Variants in SPECC1L observed in about 807,000 individuals in gnomAD.
SPECC1L encodes the protein cytospin-A.
Under a neutral mutation model 116.8 loss-of-function variants are expected in SPECC1L, and 40 were observed. That is an observed-to-expected ratio of 0.34 (90% CI 0.27 to 0.45). SPECC1L has a LOEUF of 0.45. Among genes scored for constraint, SPECC1L ranks in the 20% least tolerant of loss-of-function variants. The pLI, the probability that SPECC1L is intolerant of heterozygous loss-of-function variation, is 1.00. For synonymous variants in SPECC1L, 504 were observed against 500.6 expected (o/e 1.01, Z -0.09); for missense variants, 1,110 against 1,373.6 (o/e 0.81, Z 3.03).
chr22:24,411,719 G>A lies in SPECC1L; in HGVS notation c.3204+15G>A. 1.2e-6 allele frequency: 2 copies of A among 1,600,170 alleles called. No homozygotes were observed. The highest frequency in any genetic ancestry group is 1.7e-6 in the Non-Finnish European group (2 of 1,169,006). ...GCCAGGATAAGGTAGGCCATGGAGG[G>A]CCAGCTCCTGGCACCCACCTCACAG... On this transcript the variant is annotated intron_variant, in intron 15 of 16. Coordinates refer to ENST00000314328, the MANE Select transcript of SPECC1L (RefSeq NM_015330.6).
At chr22:24,408,826 C>T (rs2042640520) in intron 14 of SPECC1L, among the ~76,000 whole-genome samples, 1 of 152,256 alleles carries the variant, frequency 6.6e-6, no homozygotes, top group African/African-American at 2.4e-5. Flanking sequence ...CCAGACAATA[C>T]ATTCTGATGA....
At chr22:24,318,558 G>A (rs1157115014) in intron 4 of SPECC1L, among the ~76,000 whole-genome samples, 1 of 152,046 alleles carries the variant, frequency 6.6e-6, no homozygotes, top group African/African-American at 2.4e-5. Flanking sequence ...TTTTTTATAA[G>A]GATTTTTGAT....
At chr22:24,363,425 A>C in intron 12 of SPECC1L, 81 bp downstream of exon 12, 4 of 1,227,946 alleles carry the variant, frequency 3.3e-6, no homozygotes, top group Non-Finnish European at 4.8e-6. Context: ...GGCTGATCTC[A>C]AACTCCTGGC....
In SPECC1L at chr22:24,292,073, G is replaced by A. The variant is rs1318278285; in HGVS notation, c.-37-10122G>A. 3.9e-5 allele frequency among the ~76,000 whole-genome samples: 6 copies of A among 152,296 alleles called. 1 individual carries two copies. In the East Asian group the frequency reaches 5.8e-4, roughly 15 times the overall value. On this transcript the variant is annotated intron_variant, in intron 2 of 16. Transcript: ENST00000314328. Reference sequence around the variant, plus strand: ...GTAACTACAGAATGGAGAGATTGGGGACTGTCCCTGTAGTTGCCAAGAGGG... The same window carrying A: ...GTAACTACAGAATGGAGAGATTGGGAACTGTCCCTGTAGTTGCCAAGAGGG...
chr22:24,396,986 T>C (rs1036365499), intron 14 of SPECC1L, among the ~76,000 whole-genome samples: 2 of 152,220 alleles, frequency 1.3e-5, no homozygotes, highest in African/African-American at 2.4e-5. Context: ...GGTCCTGTCG[T>C]CACTTTCTTC....
rs759458885 is a variant in SPECC1L at position 24,302,045 on chromosome 22, CA to C, written c.-37-135del. ...TGGGTGACAGAGCGAGACTCCGTCT[CA>C]AAAAAAAAAAAAAATTTTTTTTCAA... On this transcript the variant is annotated intron_variant, in intron 2 of 16. Transcript: ENST00000314328. 0.12 allele frequency: 47,405 copies of C among 411,172 alleles called. 174 individuals carry two copies. Among genetic ancestry groups the C allele is most frequent in the South Asian group, 0.14 (4,726 of 32,602 alleles). 25.5% of individuals were successfully genotyped at this position (411,172 alleles called of 1,614,324 possible).
At chr22:24,367,935 C>T (rs568805646) in intron 13 of SPECC1L, among the ~76,000 whole-genome samples, 3 of 152,260 alleles carry the variant, frequency 2.0e-5, no homozygotes, top group South Asian at 2.1e-4. Flanking sequence ...GTCAAGCTGC[C>T]GGTTACATTA....
intron 14 of SPECC1L, among the ~76,000 whole-genome samples, chr22:24,400,132 C>T (rs566950422): frequency 3.4e-4 from 52 of 152,284 alleles, no homozygotes; most frequent in Non-Finnish European, 6.6e-4. Context: ...ACATACAATT[C>T]GGTAGCATTA....
rs202182198 is a variant in SPECC1L at position 24,321,758 on chromosome 22, C to T, written c.778C>T (p.Leu260=). ...NTAIREELNQ[L]KNENRMLKDR... is the part of the protein sequence containing the mutation. ...TGCCATCCGTGAAGAACTCAACCAG[C>T]TGAAAAATGAAAACAGAATGTTAAA... The change falls in exon 5 of 17, where the codon CTG becomes TTG. Residue 260 remains leucine (L), a synonymous_variant. Coordinates refer to ENST00000314328, the MANE Select transcript of SPECC1L (RefSeq NM_015330.6). 1.2e-6 allele frequency: 2 copies of T among 1,614,212 alleles called. No individual in the cohort carries two copies. Among genetic ancestry groups the T allele is most frequent in the Non-Finnish European group, 1.7e-6 (2 of 1,180,044 alleles).
chr22:24,322,060 T>A lies in SPECC1L; in HGVS notation c.1080T>A (p.Asp360Glu), dbSNP rs1157939120. Residue 360 changes from aspartate to glutamate, a missense_variant, in exon 5 of 17, where the codon GAT becomes GAA. Asp to Glu is a conservative substitution (Grantham distance 45). Around this residue, in one of 4 missense-constraint regions of SPECC1L, gnomAD observed 437 missense variants for 482.6 expected, o/e 0.91. Transcript: ENST00000314328. ...TCTACCAGCCCCTCACATCGAGCGA[T>A]GATGCGCTGGATGCACCATCCTCCT... ...SEVYQPLTSSDDALDAPSSSE... is the reference protein window; with the variant it reads ...SEVYQPLTSSEDALDAPSSSE... 1.9e-6 allele frequency: 3 copies of A among 1,614,034 alleles called. No individual in the cohort carries two copies. The highest frequency in any genetic ancestry group is 2.5e-6 in the Non-Finnish European group (3 of 1,180,018).
intron 4 of SPECC1L, among the ~76,000 whole-genome samples, chr22:24,316,975 A>G (rs2040587464): frequency 9.1e-6 from 1 of 110,266 alleles, no homozygotes; most frequent in African/African-American, 3.3e-5. Flanking sequence ...ACTTCCCAGT[A>G]GGGGCGGCCG....
At chr22:24,301,238 A>G (rs991061371) in intron 2 of SPECC1L, among the ~76,000 whole-genome samples, 3 of 152,236 alleles carry the variant, frequency 2.0e-5, no homozygotes, top group African/African-American at 7.2e-5. Context: ...TCTAATATCC[A>G]GAATTTACAA....
At chr22:24,295,163 G>A (rs571013638) in intron 2 of SPECC1L, among the ~76,000 whole-genome samples, 70 of 150,766 alleles carry the variant, frequency 4.6e-4, no homozygotes, top group African/African-American at 1.5e-3. Flanking sequence ...TCTAGTGAGC[G>A]TTCAGGCCAC....
intron 4 of SPECC1L, among the ~76,000 whole-genome samples, chr22:24,319,675 C>T (rs1361638096): frequency 6.6e-6 from 1 of 152,168 alleles, no homozygotes; most frequent in Non-Finnish European, 1.5e-5. Flanking sequence ...CTGTACTTTT[C>T]CTTTCTGTGT....
chr22:24,277,090 A>G lies in SPECC1L; in HGVS notation c.-38+287A>G, dbSNP rs563445521. Among the ~76,000 whole-genome samples the G allele has an allele frequency of 2.0e-5, 3 of 152,312 alleles. No homozygotes were observed. The South Asian group carries it at 6.2e-4, about 32-fold the overall frequency. On this transcript the variant is annotated intron_variant, in intron 2 of 16. Coordinates refer to ENST00000314328, the MANE Select transcript of SPECC1L (RefSeq NM_015330.6). The stretch of plus-strand genomic sequence containing the variant: ...TACTTAGGTTTGCTTCGTCTCCCCC[A>G]TTACAAACTACTTACTGGGTTTTTC...
intron 7 of SPECC1L, among the ~76,000 whole-genome samples, 166 bp from the exon 8 acceptor site, chr22:24,330,090 T>C (rs900929647): frequency 6.6e-6 from 1 of 152,194 alleles, no homozygotes; most frequent in Non-Finnish European, 1.5e-5. Flanking sequence ...AATAGTTGCA[T>C]TGCCTGTTAG....
chr22:24,358,902 T>C (rs975594481), intron 11 of SPECC1L, among the ~76,000 whole-genome samples: 11 of 152,222 alleles, frequency 7.2e-5, no homozygotes, highest in African/African-American at 2.7e-4. Context: ...GTTATGTATC[T>C]GTCTGAAGTA....
At position 24,313,360 on chromosome 22, in the gene SPECC1L, G is replaced by A. The variant is rs200878965; in HGVS notation, c.201G>A (p.Thr67=). ...DLLAGMAGGV[T]VTNGVKGKKS... is the part of the protein sequence containing the mutation. ...TAGCTGGAATGGCCGGAGGGGTAAC[G>A]GTGACTAATGGTGTTAAAGGAAAGA... The change falls in exon 4 of 17, where the codon ACG becomes ACA. Residue 67 remains threonine (T), a synonymous_variant. Coordinates refer to ENST00000314328, the MANE Select transcript of SPECC1L (RefSeq NM_015330.6). 1.3e-5 allele frequency: 21 copies of A among 1,613,972 alleles called. No individual in the cohort carries two copies. Among genetic ancestry groups the A allele is most frequent in the Middle Eastern group, 1.6e-4 (1 of 6,082 alleles).
chr22:24,382,133 A>G (rs1212979647), intron 14 of SPECC1L, among the ~76,000 whole-genome samples: 3 of 152,252 alleles, frequency 2.0e-5, no homozygotes, highest in Admixed American at 1.3e-4. Context: ...ATACAAAAAT[A>G]AATATCTTTG....
Sources: gnomAD v4.1 joint callset for allele counts (sites outside exome capture counted in the v4.1 genomes callset) on GRCh38, gnomAD v4.1.1 for gene constraint, gnomAD v4.1.1 regional missense constraint, MANE v1.5 for transcripts, NCBI Gene and HGNC (gene_info 2026-07-23, HGNC 2026-07-21) for gene names.